CASK: variants seen among roughly 807,000 people sequenced by gnomAD.
CASK encodes the protein calcium/calmodulin dependent serine protein kinase.
CASK carries 4 observed loss-of-function variants against 82.9 expected under a neutral mutation model. The ratio of observed to expected loss-of-function variants is 0.05; its 90% CI spans 0.02 to 0.11. CASK has a LOEUF of 0.11. CASK is among the 10% of genes least tolerant of loss of function. The pLI is 1.00. For missense variants in CASK, 358 were observed against 720.9 expected (o/e 0.50, Z 5.76); for synonymous variants, 259 against 253.5 (o/e 1.02, Z -0.20).
chrX:41,857,168 T>A (rs185631721), intron 1 of CASK, among the ~76,000 whole-genome samples: 1 of 111,082 alleles, frequency 9.0e-6, no homozygotes, highest in Admixed American at 9.6e-5. Context: ...GTTTCCAATA[T>A]CAGCACTATT....
chrX:41,723,186 C>CATAA (rs1377406132), intron 5 of CASK, among the ~76,000 whole-genome samples: 1 of 112,030 alleles, frequency 8.9e-6, no homozygotes, highest in African/African-American at 3.2e-5. Flanking sequence ...TGAGAAATGG[C>CATAA]AAGGTACTTC....
At chrX:41,530,638 A>T (rs2064787890) in intron 25 of CASK, among the ~76,000 whole-genome samples, 1 of 112,420 alleles carries the variant, frequency 8.9e-6, no homozygotes, top group African/African-American at 3.2e-5. Context: ...GTCCAGCGTG[A>T]GCTGTACCCA....
intron 13 of CASK, chrX:41,587,892 C>A (rs1210286231): frequency 9.0e-6 from 1 of 111,572 alleles, no homozygotes; most frequent in Non-Finnish European, 1.9e-5. Flanking sequence ...TGAATTCCAA[C>A]CATTAAGCCA....
At chrX:41,691,294 T>G (rs762665987) in intron 5 of CASK, among the ~76,000 whole-genome samples, 23 of 111,980 alleles carry the variant, frequency 2.1e-4, no homozygotes, top group African/African-American at 7.5e-4. Context: ...GAATGATTTG[T>G]GATTCTGTAA....
At chrX:41,671,053 T>C (rs942809693) in intron 6 of CASK, among the ~76,000 whole-genome samples, 2 of 112,084 alleles carry the variant, frequency 1.8e-5, no homozygotes, top group Non-Finnish European at 3.8e-5. Context: ...CAGTATGAAA[T>C]TAAAAATTAG....
At chrX:41,613,625 C>T (rs925933731) in intron 11 of CASK, among the ~76,000 whole-genome samples, 2 of 54,915 alleles carry the variant, frequency 3.6e-5, no homozygotes, top group African/African-American at 1.5e-4. Context: ...CAAGAATGAT[C>T]AATTAAAAAA....
chrX:41,544,603 A>C (rs1361049141), intron 21 of CASK, among the ~76,000 whole-genome samples: 3 of 106,008 alleles, frequency 2.8e-5, no homozygotes, highest in African/African-American at 1.0e-4. Context: ...TGAAATCCTT[A>C]GCAGGGGATT....
At chrX:41,814,560 G>A (rs1260643489) in intron 2 of CASK, among the ~76,000 whole-genome samples, 1 of 102,275 alleles carries the variant, frequency 9.8e-6, no homozygotes, top group Non-Finnish European at 2.0e-5. Flanking sequence ...TTGGACACAG[G>A]GTGGGGAACA....
intron 2 of CASK, among the ~76,000 whole-genome samples, chrX:41,808,785 C>T (rs1265263086): frequency 2.7e-5 from 3 of 112,457 alleles, no homozygotes; most frequent in Admixed American, 9.3e-5. Flanking sequence ...TCGCCTCACC[C>T]GGGAAGTGCA....
intron 5 of CASK, among the ~76,000 whole-genome samples, chrX:41,710,810 C>T (rs1368555628): frequency 9.0e-6 from 1 of 111,477 alleles, no homozygotes; most frequent in Non-Finnish European, 1.9e-5. Context: ...AAATTAATCT[C>T]CAATGGCCAA....
chrX:41,888,974 G>A (rs775201364), intron 1 of CASK, among the ~76,000 whole-genome samples: 174 of 109,229 alleles, frequency 1.6e-3, no homozygotes, highest in African/African-American at 5.4e-3. Context: ...TATCTTTTTC[G>A]TATAATGACT....
At position 41,868,990 on chromosome X, in the gene CASK, C is replaced by T. The variant is rs775397448; in HGVS notation, c.60-15763G>A. On this transcript the variant is annotated intron_variant, in intron 1 of 26. Coordinates refer to ENST00000378163, the MANE Select transcript of CASK (RefSeq NM_001367721.1). ...ATGATCATGAAATAGATAACCTACA[C>T]TAGCCTTCCTACTGAAAAACAAAAT... is the stretch of plus-strand genomic sequence containing the variant. Among the ~76,000 whole-genome samples the T allele has an allele frequency of 2.7e-5, 3 of 111,962 alleles. No individual in the cohort carries two copies. The East Asian group carries it at 8.4e-4, about 31-fold the overall frequency.
intron 12 of CASK, among the ~76,000 whole-genome samples, chrX:41,604,894 G>A (rs1173864682): frequency 8.9e-6 from 1 of 112,097 alleles, no homozygotes; most frequent in Admixed American, 9.5e-5. Context: ...TAAACTAAAT[G>A]TGTTTTACTC....
At chrX:41,586,633 T>C in intron 14 of CASK, 1 of 242,084 alleles carries the variant, frequency 4.1e-6, no homozygotes, top group East Asian at 7.2e-5. Context: ...ACAGTTCCAG[T>C]GACTAAAGGA....
chrX:41,555,758 A>G, intron 19 of CASK, 123 bp from the exon 20 acceptor site: 1 of 520,215 alleles, frequency 1.9e-6, no homozygotes, highest in Non-Finnish European at 3.4e-6. Context: ...TAAAGAGATA[A>G]TATACATTAT....
At chrX:41,878,222 A>G (rs1177569654) in intron 1 of CASK, among the ~76,000 whole-genome samples, 3 of 110,505 alleles carry the variant, frequency 2.7e-5, no homozygotes, top group Non-Finnish European at 5.7e-5. Context: ...TGCAATGAAA[A>G]TATGTGTGCC....
chrX:41,647,373 C>T (rs2066776808), intron 8 of CASK, among the ~76,000 whole-genome samples: 1 of 112,155 alleles, frequency 8.9e-6, no homozygotes, highest in Admixed American at 9.4e-5. Flanking sequence ...TTTGAAGCCT[C>T]TCAAGCTCAC....
At position 41,534,692 on chromosome X, in the gene CASK, G is replaced by A. The variant is rs765916304; in HGVS notation, c.2317+14C>T. On this transcript the variant is annotated intron_variant, in intron 24 of 26. Coordinates refer to ENST00000378163, the MANE Select transcript of CASK (RefSeq NM_001367721.1). ...AGGAAAAATATAATGAAAAGAGATT[G>A]AGACATTGCTTACGTGGAATAGGGT... The A allele has an allele frequency of 4.2e-5, 49 of 1,156,701 alleles. No homozygotes were observed. Among genetic ancestry groups the A allele is most frequent in the Non-Finnish European group, 5.7e-5 (48 of 845,580 alleles).
At chrX:41,708,601 A>C (rs1447827990) in intron 5 of CASK, among the ~76,000 whole-genome samples, 2 of 112,338 alleles carry the variant, frequency 1.8e-5, no homozygotes, top group Non-Finnish European at 3.8e-5. Context: ...CTTTTTTTCT[A>C]TCATGTGTAA....
Sources: gnomAD v4.1 joint callset for allele counts (sites outside exome capture counted in the v4.1 genomes callset) on GRCh38, gnomAD v4.1.1 for gene constraint, MANE v1.5 for transcripts, NCBI Gene and HGNC (gene_info 2026-07-23, HGNC 2026-07-21) for gene names.